Variants in CHL1 observed in about 807,000 individuals in gnomAD.
CHL1 encodes the protein cell adhesion molecule L1 like, also known as neural cell adhesion molecule L1-like protein.
A neutral mutation model predicts 141.9 loss-of-function variants in CHL1; 96 were observed. The ratio of observed to expected loss-of-function variants is 0.68; its 90% CI spans 0.57 to 0.80. The LOEUF is 0.80. Ranked by LOEUF, CHL1 falls within the 30% of genes least tolerant of loss-of-function variation. The pLI is 0.00. For missense variants in CHL1, 1,820 were observed against 1,457.2 expected (o/e 1.25, Z -4.05); for synonymous variants, 613 against 502.2 (o/e 1.22, Z -2.95).
intron 2 of CHL1, among the ~76,000 whole-genome samples, chr3:257,543 G>T (rs1694290137): frequency 6.6e-6 from 1 of 151,860 alleles, no homozygotes; most frequent in South Asian, 2.1e-4. Context: ...AGTAGAGATG[G>T]GGTTTCACCA....
chr3:268,542 T>A (rs948201330), intron 2 of CHL1, among the ~76,000 whole-genome samples: 1 of 151,722 alleles, frequency 6.6e-6, no homozygotes, highest in African/African-American at 2.4e-5. Context: ...CTAAAAAAAA[T>A]AAAATAAAGT....
In CHL1 at chr3:390,943, T is replaced by G; in HGVS notation, c.2587-12T>G. 3.1e-6 allele frequency: 5 copies of G among 1,612,002 alleles called. No individual in the cohort carries two copies. Among genetic ancestry groups the G allele is most frequent in the Non-Finnish European group, 4.2e-6 (5 of 1,178,568 alleles). On this transcript the variant is annotated splice_polypyrimidine_tract_variant and intron_variant, in intron 21 of 27. Coordinates refer to ENST00000256509, the MANE Select transcript of CHL1 (RefSeq NM_006614.4). ...CAATGGATATACTAAAAGATTTTGG[T>G]TTTCATTGCAGATAAATTGGTGGAA... is the stretch of plus-strand genomic sequence containing the variant.
chr3:360,172 T>G, intron 11 of CHL1, 112 bp from the exon 12 acceptor site: 2 of 1,155,092 alleles, frequency 1.7e-6, no homozygotes, highest in Non-Finnish European at 2.4e-6. Flanking sequence ...GAACTATTAG[T>G]CACCCTAAAC....
chr3:317,777 A>G (rs530763711), intron 2 of CHL1, among the ~76,000 whole-genome samples: 5 of 151,860 alleles, frequency 3.3e-5, no homozygotes, highest in Admixed American at 2.0e-4. Flanking sequence ...AATACGTAGG[A>G]CTCACCTTTT....
At chr3:319,118 G>A (rs1352730078) in intron 2 of CHL1, among the ~76,000 whole-genome samples, 1 of 151,324 alleles carries the variant, frequency 6.6e-6, no homozygotes, top group Non-Finnish European at 1.5e-5. Context: ...GAATACACAC[G>A]GACATAAAGA....
At chr3:353,068 G>C (rs1035981089) in intron 10 of CHL1, among the ~76,000 whole-genome samples, 1 of 151,982 alleles carries the variant, frequency 6.6e-6, no homozygotes, top group Non-Finnish European at 1.5e-5. Flanking sequence ...TCAGCCCTCT[G>C]TCTGTAAGAT....
chr3:218,862 G>T (rs1033861501), intron 1 of CHL1, among the ~76,000 whole-genome samples: 2 of 152,148 alleles, frequency 1.3e-5, no homozygotes, highest in African/African-American at 2.4e-5. Context: ...AAGTCAAAAA[G>T]TAGGCCGGGC....
At position 389,295 on chromosome 3, in the gene CHL1, G is replaced by C. The variant is rs772140239; in HGVS notation, c.2291G>C (p.Arg764Thr). 12 of 1,613,850 alleles carry C rather than the reference G, an allele frequency of 7.4e-6. 1 individual carries two copies. In the South Asian group the frequency reaches 1.3e-4, roughly 18 times the overall value. The part of the protein sequence containing the change: ...MEQNGPGLEY[R>T]VTWKPQGAPV... ...CAGAATGGACCAGGCCTAGAGTACA[G>C]AGTGACCTGGAAGCCACAGGGAGCC... Residue 764 changes from arginine to threonine, a missense_variant, in exon 20 of 28, where the codon AGA becomes ACA. Arg to Thr is a moderately conservative substitution (Grantham distance 71, BLOSUM62 -1). Transcript: ENST00000256509.
intron 2 of CHL1, among the ~76,000 whole-genome samples, chr3:317,708 T>C (rs1700251265): frequency 6.6e-6 from 1 of 151,588 alleles, no homozygotes; most frequent in South Asian, 2.1e-4. Context: ...ATTGATATTT[T>C]CCTCAAAATT....
At chr3:295,424 G>C (rs1271732217) in intron 2 of CHL1, among the ~76,000 whole-genome samples, 2 of 152,038 alleles carry the variant, frequency 1.3e-5, no homozygotes, top group Non-Finnish European at 2.9e-5. Context: ...GATTAACATG[G>C]ATAAGACTTA....
At chr3:246,453 T>C (rs1460038231) in intron 2 of CHL1, 1 of 152,102 alleles carries the variant, frequency 6.6e-6, no homozygotes, top group Non-Finnish European at 1.5e-5. Context: ...TTCATTGTGC[T>C]AGGGAAATCA....
intron 1 of CHL1, among the ~76,000 whole-genome samples, chr3:226,284 A>T (rs1701335902): frequency 6.7e-6 from 1 of 148,904 alleles, no homozygotes; most frequent in Non-Finnish European, 1.5e-5. Context: ...GGCCTCCCAA[A>T]GTGCGGATCC....
chr3:373,403 T>G (rs1004913934), intron 15 of CHL1, among the ~76,000 whole-genome samples: 1 of 152,242 alleles, frequency 6.6e-6, no homozygotes, highest in Non-Finnish European at 1.5e-5. Flanking sequence ...GAGGCATTGA[T>G]TCTGCCACAG....
At chr3:337,640 A>C (rs569232197) in intron 5 of CHL1, among the ~76,000 whole-genome samples, 1 of 151,636 alleles carries the variant, frequency 6.6e-6, no homozygotes, top group African/African-American at 2.4e-5. Flanking sequence ...CCTTGCGATA[A>C]TTTGCTGATA....
chr3:340,912 T>A lies in CHL1; in HGVS notation c.504T>A (p.Asn168Lys). The A allele has an allele frequency of 1.2e-6, 2 of 1,612,386 alleles. No homozygotes were observed. Among genetic ancestry groups the A allele is most frequent in the Non-Finnish European group, 1.7e-6 (2 of 1,178,924 alleles). The change falls in exon 6 of 28, where the codon AAT becomes AAA. Residue 168 changes from asparagine (N) to lysine (K), a missense_variant. Physicochemically the swap from Asn to Lys is moderately conservative, Grantham distance 94. Coordinates refer to ENST00000256509, the MANE Select transcript of CHL1 (RefSeq NM_006614.4). Reference protein sequence around the residue: ...GLPPLHIYWMNIELEHIEQDE... With the variant: ...GLPPLHIYWMKIELEHIEQDE... ...CACCTTTACACATTTATTGGATGAA[T>A]ATTGGTAAGTAATGCTCCGTTCCAT...
chr3:382,647 G>C lies in CHL1; in HGVS notation c.2152G>C (p.Asp718His). The C allele has an allele frequency of 6.2e-7, 1 of 1,613,732 alleles. No homozygotes were observed. The highest frequency in any genetic ancestry group is 8.5e-7 in the Non-Finnish European group (1 of 1,179,798). The change falls in exon 18 of 28, where the codon GAC becomes CAC. Residue 718 changes from aspartate to histidine, a missense_variant. Coordinates refer to ENST00000256509, the MANE Select transcript of CHL1 (RefSeq NM_006614.4). Reference protein sequence around the residue: ...VGRSQPSQPSDHHETPPAAPD... With the variant: ...VGRSQPSQPSHHHETPPAAPD... ...GAGAAGTCAGCCTAGCCAGCCGTCAGACCATCATGAAACACCACCAGCAGG... is the reference window on the plus strand; with the variant it reads ...GAGAAGTCAGCCTAGCCAGCCGTCACACCATCATGAAACACCACCAGCAGG...
intron 1 of CHL1, among the ~76,000 whole-genome samples, chr3:236,031 C>G (rs1354596651): frequency 6.6e-6 from 1 of 152,108 alleles, no homozygotes; most frequent in Non-Finnish European, 1.5e-5. Context: ...GAAACATGGC[C>G]TCAAGGATTG....
intron 2 of CHL1, among the ~76,000 whole-genome samples, chr3:313,684 A>G (rs1431164106): frequency 6.6e-6 from 1 of 152,226 alleles, no homozygotes; most frequent in African/African-American, 2.4e-5. Flanking sequence ...GGAATGATCT[A>G]TAATTGTCCA....
rs140063565 is a variant in CHL1, at chr3:398,308, A to G, written c.3176A>G (p.His1059Arg). 2 of 1,608,452 alleles carry G rather than the reference A, an allele frequency of 1.2e-6. No individual in the cohort carries two copies. Among genetic ancestry groups the G allele is most frequent in the South Asian group, 1.1e-5 (1 of 90,940 alleles). The stretch of plus-strand genomic sequence containing the variant: ...GAGGTATTTGAGCCGGGAGCTGAAC[A>G]TATAGTTCGCCTAATGACTAAGAAT... ...PIEVFEPGAE[H>R]IVRLMTKNWG... The change falls in exon 25 of 28, where the codon CAT becomes CGT. Residue 1059 changes from histidine (H) to arginine (R), a missense_variant. By Grantham distance (29) the His-to-Arg change is conservative. Coordinates refer to ENST00000256509, the MANE Select transcript of CHL1 (RefSeq NM_006614.4).
Sources: allele counts gnomAD v4.1 joint callset (sites outside exome capture counted in the v4.1 genomes callset), GRCh38; gene constraint gnomAD v4.1.1; transcripts MANE v1.5; gene names NCBI Gene and HGNC (gene_info 2026-07-23, HGNC 2026-07-21).